LHX8: variants seen among roughly 807,000 people sequenced by gnomAD.
The protein encoded by LHX8 is LIM/homeobox protein Lhx8.
Under a neutral mutation model 40.3 loss-of-function variants are expected in LHX8, and 12 were observed. The ratio of observed to expected loss-of-function variants is 0.30; its 90% CI spans 0.19 to 0.48. The LOEUF (loss-of-function observed/expected upper bound fraction) is 0.48. Among genes scored for constraint, LHX8 ranks in the 20% least tolerant of loss-of-function variants. The pLI is 0.99. For synonymous variants in LHX8, 179 were observed against 162.0 expected (o/e 1.10, Z -0.80); for missense variants, 344 against 433.7 (o/e 0.79, Z 1.84).
the LHX8 span, among the ~76,000 whole-genome samples, chr1:75,180,068 C>A: frequency 3.9e-5 from 6 of 152,302 alleles, 1 homozygote; most frequent in East Asian, 1.2e-3. Flanking sequence ...AGCTGTTAGT[C>A]TGATAGCCTT....
chr1:75,139,058 A>G (rs115898850), intron 3 of LHX8, among the ~76,000 whole-genome samples: 2,740 of 152,292 alleles, frequency 0.018, 104 homozygotes, highest in African/African-American at 0.063. Context: ...TTTAAAAAAA[A>G]AAGTTAGACC....
the LHX8 span, among the ~76,000 whole-genome samples, chr1:75,171,730 G>T: frequency 9.3e-4 from 141 of 152,226 alleles, no homozygotes; most frequent in African/African-American, 2.9e-3. Context: ...ACCAGAGGAG[G>T]GCTGCTGTTC....
At chr1:75,144,108 G>A (rs1648397349) in intron 6 of LHX8, 160 bp downstream of exon 6, 1 of 648,516 alleles carries the variant, frequency 1.5e-6, no homozygotes, top group African/African-American at 1.8e-5. Flanking sequence ...CATACTTATT[G>A]CCCTAAAGTG....
chr1:75,195,863 A>G, the LHX8 span, among the ~76,000 whole-genome samples: 3 of 151,940 alleles, frequency 2.0e-5, no homozygotes, highest in Admixed American at 1.3e-4. Flanking sequence ...CCTACTTTCA[A>G]TATTCTTCTG....
At chr1:75,150,887 G>A (rs1303849198) in intron 7 of LHX8, among the ~76,000 whole-genome samples, 1 of 152,110 alleles carries the variant, frequency 6.6e-6, no homozygotes, top group Admixed American at 6.6e-5. Flanking sequence ...ATGTTGGTCA[G>A]GCTGTTCTCA....
the LHX8 span, among the ~76,000 whole-genome samples, chr1:75,178,676 G>A: frequency 1.3e-5 from 2 of 152,072 alleles, no homozygotes; most frequent in Admixed American, 1.3e-4. Flanking sequence ...ATCTCCTTCA[G>A]TTCTGCTCTG....
the LHX8 span, among the ~76,000 whole-genome samples, chr1:75,186,768 A>T: frequency 1.2e-4 from 18 of 152,274 alleles, no homozygotes; most frequent in Admixed American, 8.5e-4. Flanking sequence ...CACTCAGGAA[A>T]TACCATGCAG....
chr1:75,197,150 A>G, the LHX8 span, among the ~76,000 whole-genome samples: 1 of 152,346 alleles, frequency 6.6e-6, no homozygotes, highest in East Asian at 1.9e-4. Flanking sequence ...ATTTTAAAGT[A>G]TTAATTAGGA....
chr1:75,177,435 A>G, the LHX8 span, among the ~76,000 whole-genome samples: 3 of 152,136 alleles, frequency 2.0e-5, no homozygotes, highest in Admixed American at 1.3e-4. Context: ...TCTTTGCAGC[A>G]ATTGTGAATG....
chr1:75,186,002 C>T, the LHX8 span, among the ~76,000 whole-genome samples: 1 of 152,120 alleles, frequency 6.6e-6, no homozygotes, highest in Non-Finnish European at 1.5e-5. Context: ...GGTAAAAGAT[C>T]TCTACCTTGA....
the LHX8 span, among the ~76,000 whole-genome samples, chr1:75,190,200 A>C: frequency 6.6e-6 from 1 of 152,192 alleles, no homozygotes. Flanking sequence ...AGGCCAAGGA[A>C]ACGATAGAGT....
chr1:75,178,768 G>A, the LHX8 span, among the ~76,000 whole-genome samples: 1 of 152,084 alleles, frequency 6.6e-6, no homozygotes, highest in South Asian at 2.1e-4. Context: ...TGATGTTAGG[G>A]TGTCAATTTT....
chr1:75,157,599 A>G (rs958267481), intron 8 of LHX8, among the ~76,000 whole-genome samples: 7 of 152,200 alleles, frequency 4.6e-5, no homozygotes, highest in Non-Finnish European at 1.0e-4. Context: ...GTCTCCTTCC[A>G]ATTATTATCC....
chr1:75,138,796 A>G (rs1648224463), intron 3 of LHX8, among the ~76,000 whole-genome samples: 1 of 152,140 alleles, frequency 6.6e-6, no homozygotes, highest in African/African-American at 2.4e-5. Context: ...ACATTTATAT[A>G]TTATATATCT....
At chr1:75,143,019 A>T in intron 4 of LHX8, 99 bp from the exon 5 acceptor site, 1 of 899,962 alleles carries the variant, frequency 1.1e-6, no homozygotes. Flanking sequence ...TACTTAGGTT[A>T]TTTCAATGGG....
chr1:75,144,314 G>C (rs910477758), intron 6 of LHX8, among the ~76,000 whole-genome samples: 1 of 152,166 alleles, frequency 6.6e-6, no homozygotes, highest in African/African-American at 2.4e-5. Flanking sequence ...TCTGAAGAGA[G>C]ACATACATGT....
the LHX8 span, among the ~76,000 whole-genome samples, chr1:75,179,849 A>T: frequency 1.2e-4 from 18 of 152,206 alleles, no homozygotes; most frequent in South Asian, 4.1e-4. Flanking sequence ...TTCCATGTTT[A>T]GTGCTTCCTT....
chr1:75,168,649 G>T, the LHX8 span, among the ~76,000 whole-genome samples: 3 of 152,078 alleles, frequency 2.0e-5, no homozygotes, highest in Non-Finnish European at 4.4e-5. Flanking sequence ...AGCTTTTCCT[G>T]TTCTGGCCTC....
At chr1:75,193,942 A>G in the LHX8 span, among the ~76,000 whole-genome samples, 2 of 152,140 alleles carry the variant, frequency 1.3e-5, no homozygotes, top group South Asian at 4.1e-4. Flanking sequence ...CTTTCTGATG[A>G]TTCACATTCT....
Sources: gnomAD v4.1 joint callset for allele counts (sites outside exome capture counted in the v4.1 genomes callset) on GRCh38, gnomAD v4.1.1 for gene constraint, MANE v1.5 for transcripts, NCBI Gene and HGNC (gene_info 2026-07-23, HGNC 2026-07-21) for gene names.